Variants in SSPN observed in about 807,000 individuals in gnomAD.
The protein encoded by SSPN is sarcospan.
In SSPN, 15 loss-of-function variants were observed where a neutral mutation model predicts 19.1. The observed-to-expected ratio is 0.78, with a 90% CI of 0.52 to 1.21. The LOEUF (loss-of-function observed/expected upper bound fraction) is 1.21. SSPN is among the 50% of genes most tolerant of loss of function. The pLI is 0.00. For synonymous variants in SSPN, 147 were observed against 140.3 expected, an observed-to-expected ratio of 1.05 and a Z score of -0.34; for missense variants, 291 against 314.0, an observed-to-expected ratio of 0.93 and a Z score of 0.55.
At chr12:26,209,536 A>G (rs1356698151) in intron 1 of SSPN, among the ~76,000 whole-genome samples, 1 of 151,500 alleles carries the variant, frequency 6.6e-6, no homozygotes, top group Non-Finnish European at 1.5e-5. Context: ...TTTCTGGTTC[A>G]CTTTTCCCTT....
rs1555175654 is a variant in SSPN at position 26,137,636 on chromosome 12, G to GTATGTATATATATATATATATATATA, written c.-31+15487_-31+15488insGTATATATATATATATATATATATAT. Among the ~76,000 whole-genome samples, 11 of 31,380 alleles carry GTATGTATATATATATATATATATATA rather than the reference G, an allele frequency of 3.5e-4. 1 individual carries two copies. The highest frequency in any genetic ancestry group is 1.4e-3 in the Admixed American group (2 of 1,456). 20.6% of individuals were successfully genotyped at this position (31,380 alleles called of 152,430 possible). On this transcript the variant is annotated intron_variant, in intron 1 of 2. Transcript: ENST00000538142. ...CATATATATGTGTGTGTGTGTGTAT[G>GTATGTATATATATATATATATATATA]TATATATATATATATATATATTTTT...
upstream of SSPN, chr12:26,195,440 C>T (rs182870521): frequency 8.1e-4 from 564 of 699,052 alleles, 2 homozygotes; most frequent in Admixed American, 0.022. Context: ...TGCCCGGGGC[C>T]CGGCAGGCGC....
chr12:26,205,367 G>A (rs548943907), intron 1 of SSPN, among the ~76,000 whole-genome samples: 2 of 152,318 alleles, frequency 1.3e-5, no homozygotes, highest in South Asian at 4.1e-4. Context: ...CAGAAAAGGG[G>A]GAGGGGGCTG....
At chr12:26,206,713 T>A (rs1944934267) in intron 1 of SSPN, among the ~76,000 whole-genome samples, 1 of 152,218 alleles carries the variant, frequency 6.6e-6, no homozygotes, top group African/African-American at 2.4e-5. Context: ...GGTTGTTTAT[T>A]TCTTCCCACA....
Position 26,230,869 on chromosome 12 carries a change from C to T in SSPN, c.525C>T (p.Thr175=), listed in dbSNP as rs776829521. 5 of 1,614,102 alleles carry T rather than the reference C, an allele frequency of 3.1e-6. No homozygotes were observed. The highest frequency in any genetic ancestry group is 8.5e-7 in the Non-Finnish European group (1 of 1,180,056). ...KLPSSEPLSR[T]FVYRDVTDCT... ...CCTCCTCGGAGCCGCTCAGCAGGACCTTTGTTTACCGGGATGTGACGGACT... is the reference window on the plus strand; with the variant it reads ...CCTCCTCGGAGCCGCTCAGCAGGACTTTTGTTTACCGGGATGTGACGGACT... Residue 175 remains threonine, a synonymous_variant, in exon 3 of 3, where the codon ACC becomes ACT. Transcript: ENST00000242729.
At chr12:26,143,319 G>A (rs570578967) in intron 1 of SSPN, among the ~76,000 whole-genome samples, 2 of 152,264 alleles carry the variant, frequency 1.3e-5, no homozygotes, top group East Asian at 3.9e-4. Context: ...AATATTAATA[G>A]CGTGCTTATT....
At chr12:26,134,069 C>A (rs1009635328) in intron 1 of SSPN, among the ~76,000 whole-genome samples, 1 of 152,222 alleles carries the variant, frequency 6.6e-6, no homozygotes, top group African/African-American at 2.4e-5. Context: ...TAAAATCAAA[C>A]TTGAAACTCT....
chr12:26,131,437 GC>G (rs1944397135), intron 1 of SSPN, among the ~76,000 whole-genome samples: 1 of 152,226 alleles, frequency 6.6e-6, no homozygotes, highest in Non-Finnish European at 1.5e-5. Flanking sequence ...TGTGCCTTCT[GC>G]CTCTGGCAGT....
intron 1 of SSPN, among the ~76,000 whole-genome samples, chr12:26,201,024 T>TAGAAA: frequency 3.2e-5 from 1 of 31,312 alleles, no homozygotes; most frequent in Non-Finnish European, 5.0e-5. Flanking sequence ...TATATATATA[T>TAGAAA]ATATATATAT....
chr12:26,192,197 A>G (rs190148402), upstream of SSPN, among the ~76,000 whole-genome samples: 104 of 152,354 alleles, frequency 6.8e-4, 2 homozygotes, highest in East Asian at 0.019. Flanking sequence ...TCTAAACCAT[A>G]TATTAACTAC....
At chr12:26,122,054 G>C in exon 1 of SSPN, 1 of 1,549,294 alleles carries the variant, frequency 6.5e-7, no homozygotes, top group Non-Finnish European at 8.7e-7. Context: ...CCGTCCTTCG[G>C]GACGCAAGGA....
intron 1 of SSPN, among the ~76,000 whole-genome samples, chr12:26,126,777 C>T (rs1219242313): frequency 1.3e-5 from 2 of 152,250 alleles, no homozygotes; most frequent in African/African-American, 4.8e-5. Flanking sequence ...GCGGTCCGTT[C>T]AGTTCATCTG....
rs748996865 is a variant in SSPN, at chr12:26,195,880, G to A, written c.208G>A (p.Val70Met). Residue 70 changes from valine to methionine, a missense_variant, in exon 1 of 3, where the codon GTG (valine) becomes ATG (methionine). Physicochemically the swap from Val to Met is conservative, Grantham distance 21. Coordinates refer to ENST00000242729, the MANE Select transcript of SSPN (RefSeq NM_005086.5). ...QLALGIAVTV[V>M]GFLMASISSS... ...GGCCCTGGGCATCGCCGTGACCGTG[G>A]TGGGCTTCCTCATGGCGAGCATCAG... 3.2e-6 allele frequency: 5 copies of A among 1,575,546 alleles called. No homozygotes were observed. In the East Asian group the frequency reaches 7.3e-5, roughly 23 times the overall value.
At chr12:26,188,670 T>C (rs1019111928) in intron 1 of SSPN, among the ~76,000 whole-genome samples, 10 of 152,230 alleles carry the variant, frequency 6.6e-5, no homozygotes, top group Admixed American at 5.2e-4. Context: ...AATATCTGAA[T>C]CCAGATCACA....
At chr12:26,196,828 T>C (rs1944834718) in intron 1 of SSPN, among the ~76,000 whole-genome samples, 1 of 152,244 alleles carries the variant, frequency 6.6e-6, no homozygotes, top group African/African-American at 2.4e-5. Context: ...CATGAGTGGG[T>C]AAAGCATTCA....
At chr12:26,127,497 C>A (rs1444443744) in intron 1 of SSPN, among the ~76,000 whole-genome samples, 1 of 152,192 alleles carries the variant, frequency 6.6e-6, no homozygotes, top group Non-Finnish European at 1.5e-5. Context: ...ACCCTTTTCC[C>A]GTGATACCTA....
At chr12:26,199,358 T>C (rs10743575) in intron 1 of SSPN, among the ~76,000 whole-genome samples, 151,490 of 152,340 alleles carry the variant, frequency 0.99, 75,323 homozygotes, top group Middle Eastern at 1. Flanking sequence ...CTTTTTACTT[T>C]GATTACAAAA....
intron 2 of SSPN, 41 bp from the exon 3 acceptor site, chr12:26,230,670 G>A (rs749607884): frequency 4.5e-6 from 7 of 1,554,918 alleles, no homozygotes; most frequent in Admixed American, 1.9e-5. Context: ...ATCATCCAAT[G>A]TTCTTTGTAA....
intron 1 of SSPN, 103 bp downstream of exon 1, chr12:26,196,054 T>G: frequency 6.2e-6 from 6 of 972,000 alleles, no homozygotes; most frequent in Non-Finnish European, 8.5e-6. Flanking sequence ...CTTCCCCGGG[T>G]TCACTCTTCT....
Sources: allele counts gnomAD v4.1 joint callset (sites outside exome capture counted in the v4.1 genomes callset), GRCh38; gene constraint gnomAD v4.1.1; transcripts MANE v1.5; gene names NCBI Gene and HGNC (gene_info 2026-07-23, HGNC 2026-07-21).